OXR1: variants seen among roughly 807,000 people sequenced by gnomAD.
OXR1 encodes the protein oxidation resistance 1.
Under a neutral mutation model 104.6 loss-of-function variants are expected in OXR1, and 41 were observed. That is an observed-to-expected ratio of 0.39 (90% CI 0.31 to 0.51). The LOEUF (loss-of-function observed/expected upper bound fraction) is 0.51, where lower values mean the gene tolerates loss of function less well. Ranked by LOEUF, OXR1 falls within the 20% of genes least tolerant of loss-of-function variation. OXR1 has a pLI of 0.77. For synonymous variants in OXR1, 348 were observed against 348.4 expected, an observed-to-expected ratio of 1.00 and a Z score of 0.01; for missense variants, 955 against 1,031.9, an observed-to-expected ratio of 0.93 and a Z score of 1.02.
rs1811737589 is a variant in OXR1, at chr8:106,270,280, C to T, written c.-226C>T. On this transcript the variant is annotated 5_prime_UTR_variant, in exon 1 of 17. Coordinates refer to ENST00000517566, the MANE Select transcript of OXR1 (RefSeq NM_001198533.2). ...CGGCCACAGGAGCTCAGCGCCGGCG[C>T]CGCGCCGCCCAGCCCCGCCGAGAGG... The T allele has an allele frequency of 6.6e-6, 1 of 151,868 alleles. No individual in the cohort carries two copies. Among genetic ancestry groups the T allele is most frequent in the African/African-American group, 2.4e-5 (1 of 41,396 alleles). 9.4% of individuals were successfully genotyped at this position (151,868 alleles called of 1,614,324 possible).
intron 3 of OXR1, among the ~76,000 whole-genome samples, chr8:106,599,590 G>T (rs1411380281): frequency 6.6e-6 from 1 of 152,174 alleles, no homozygotes; most frequent in Non-Finnish European, 1.5e-5. Context: ...TAAGCCAGAA[G>T]CTTAAGTAAT....
intron 2 of OXR1, among the ~76,000 whole-genome samples, chr8:106,428,273 G>T (rs1039003791): frequency 6.6e-6 from 1 of 152,262 alleles, no homozygotes; most frequent in East Asian, 1.9e-4. Flanking sequence ...AGATGGCTGT[G>T]CCCTGGTGCA....
chr8:106,542,395 C>T (rs1472402270), intron 3 of OXR1, among the ~76,000 whole-genome samples: 2 of 152,162 alleles, frequency 1.3e-5, no homozygotes, highest in South Asian at 2.1e-4. Context: ...TGTTCATCTT[C>T]AAAGGGCAAC....
chr8:106,635,646 T>C (rs1215211219), intron 3 of OXR1, among the ~76,000 whole-genome samples: 2 of 152,152 alleles, frequency 1.3e-5, no homozygotes, highest in African/African-American at 4.8e-5. Flanking sequence ...GGTTTTGCCA[T>C]GTTCCCAAGG....
chr8:106,623,412 A>T (rs1821886425), intron 3 of OXR1, among the ~76,000 whole-genome samples: 1 of 152,168 alleles, frequency 6.6e-6, no homozygotes, highest in Non-Finnish European at 1.5e-5. Context: ...ACTAGGGAAA[A>T]GTATGAAATG....
rs1362069816 is a variant in OXR1, at chr8:106,303,307, G to T, written c.-139+32940G>T. ...CTCACTCTGTCACCCAGGCTGGAGTGCACTGGTGTGATCTAGGCTCACTGC... is the reference window on the plus strand; with the variant it reads ...CTCACTCTGTCACCCAGGCTGGAGTTCACTGGTGTGATCTAGGCTCACTGC... On this transcript the variant is annotated intron_variant, in intron 1 of 16. Transcript: ENST00000517566. 3.8e-5 allele frequency among the ~76,000 whole-genome samples: 5 copies of T among 131,042 alleles called. No homozygotes were observed. The Admixed American group carries it at 4.3e-4, about 11-fold the overall frequency. 86.0% of individuals were successfully genotyped at this position (131,042 alleles called of 152,430 possible). A position where few individuals can be genotyped will look rare whatever the true frequency, so the allele number is the denominator to read the frequency against.
chr8:106,302,750 G>T (rs992219258), intron 1 of OXR1, among the ~76,000 whole-genome samples: 4 of 151,882 alleles, frequency 2.6e-5, no homozygotes, highest in Non-Finnish European at 4.4e-5. Flanking sequence ...GGGTTTTTTT[G>T]TTTGTTTGTT....
At chr8:106,308,787 A>T (rs997137843) in intron 1 of OXR1, among the ~76,000 whole-genome samples, 1 of 152,196 alleles carries the variant, frequency 6.6e-6, no homozygotes, top group African/African-American at 2.4e-5. Context: ...AAATAAAATT[A>T]AAAATCAGCT....
rs1476697171 is a variant in OXR1, at chr8:106,328,957, C to CT, written c.-138-30518dup. ...CACTTTGGCCCTCTGCTTATCACAC[C>CT]TGCTTTGAGGGGGTCAGGAGCTCAA... is the stretch of plus-strand genomic sequence containing the variant. On this transcript the variant is annotated intron_variant, in intron 1 of 16. Transcript: ENST00000517566. Among the ~76,000 whole-genome samples the CT allele has an allele frequency of 8.5e-5, 13 of 152,128 alleles. 1 individual carries two copies. Among genetic ancestry groups the CT allele is most frequent in the Admixed American group, 8.5e-4 (13 of 15,276 alleles).
chr8:106,318,691 C>T (rs1017449177), intron 1 of OXR1, among the ~76,000 whole-genome samples: 15 of 152,294 alleles, frequency 9.8e-5, no homozygotes, highest in African/African-American at 3.1e-4. Context: ...TACTTTCTTC[C>T]TCCCTTGCAT....
At chr8:106,507,644 G>C (rs746231327) in intron 2 of OXR1, among the ~76,000 whole-genome samples, 22 of 152,150 alleles carry the variant, frequency 1.4e-4, no homozygotes, top group Non-Finnish European at 2.9e-4. Flanking sequence ...GGAAGGGAAT[G>C]GTGGCCTTAC....
chr8:106,284,564 T>A (rs1475486171), intron 1 of OXR1, among the ~76,000 whole-genome samples: 1 of 152,168 alleles, frequency 6.6e-6, no homozygotes, highest in African/African-American at 2.4e-5. Flanking sequence ...AGCAACTTTT[T>A]AAAAAGTCTT....
intron 6 of OXR1, among the ~76,000 whole-genome samples, chr8:106,689,480 A>C (rs542449290): frequency 1.3e-5 from 2 of 152,160 alleles, no homozygotes; most frequent in South Asian, 4.1e-4. Flanking sequence ...TAACATTATC[A>C]TTTTGGGGGA....
intron 3 of OXR1, among the ~76,000 whole-genome samples, chr8:106,602,083 GC>G (rs1165952262): frequency 6.6e-6 from 1 of 152,146 alleles, no homozygotes; most frequent in Non-Finnish European, 1.5e-5. Context: ...TCTTGAAGAG[GC>G]TCAGATCTGA....
In OXR1 at chr8:106,280,758, A is replaced by T. The variant is rs543914615; in HGVS notation, c.-139+10391A>T. Among the ~76,000 whole-genome samples, 101 of 152,160 alleles carry T rather than the reference A, an allele frequency of 6.6e-4. 1 individual carries two copies. In the South Asian group the frequency reaches 0.014, roughly 21 times the overall value. ...TAATATCGTGTATTTTACCACAATTAAAAAAAATTAAACATGTAAAAAGTG... is the reference window on the plus strand; with the variant it reads ...TAATATCGTGTATTTTACCACAATTTAAAAAAATTAAACATGTAAAAAGTG... On this transcript the variant is annotated intron_variant, in intron 1 of 16. Transcript: ENST00000517566.
rs916877100 is a variant in OXR1 at position 106,581,154 on chromosome 8, G to T, written c.220+62015G>T. On this transcript the variant is annotated intron_variant, in intron 3 of 16. Coordinates refer to ENST00000517566, the MANE Select transcript of OXR1 (RefSeq NM_001198533.2). Reference sequence around the variant, plus strand: ...TTAGAATTTTGGATGGAAATAATCCGGTGAAATAGCAAGAACATTTGAAAG... The same window carrying T: ...TTAGAATTTTGGATGGAAATAATCCTGTGAAATAGCAAGAACATTTGAAAG... 4.7e-6 allele frequency: 6 copies of T among 1,271,174 alleles called. No individual in the cohort carries two copies. In the Admixed American group the frequency reaches 7.7e-5, roughly 16 times the overall value. 78.7% of individuals were successfully genotyped at this position (1,271,174 alleles called of 1,614,324 possible).
chr8:106,510,088 T>C (rs765159751), intron 2 of OXR1, among the ~76,000 whole-genome samples: 6 of 152,204 alleles, frequency 3.9e-5, no homozygotes, highest in Non-Finnish European at 8.8e-5. Flanking sequence ...CATATTCTTA[T>C]AATGGGATAG....
chr8:106,450,432 A>G (rs1820246448), intron 2 of OXR1, among the ~76,000 whole-genome samples: 1 of 152,194 alleles, frequency 6.6e-6, no homozygotes, highest in Non-Finnish European at 1.5e-5. Flanking sequence ...GTTGTTGGAA[A>G]GGGAAAAAAA....
rs115017101 is a variant in OXR1, at chr8:106,555,801, G to A, written c.220+36662G>A. On this transcript the variant is annotated intron_variant, in intron 3 of 16. Coordinates refer to ENST00000517566, the MANE Select transcript of OXR1 (RefSeq NM_001198533.2). The stretch of plus-strand genomic sequence containing the variant: ...TACTATTAAAAAATAATTTTAAAAC[G>A]GCCCAAATATCCATAAACAGATGAA... Among the ~76,000 whole-genome samples the A allele has an allele frequency of 6.0e-3, 911 of 151,020 alleles. 9 individuals carry two copies. Among genetic ancestry groups the A allele is most frequent in the African/African-American group, 0.021 (866 of 41,240 alleles).
Sources: allele counts gnomAD v4.1 joint callset (sites outside exome capture counted in the v4.1 genomes callset), GRCh38; gene constraint gnomAD v4.1.1; transcripts MANE v1.5; gene names NCBI Gene and HGNC (gene_info 2026-07-23, HGNC 2026-07-21).